The following TICRR variants were observed in gnomAD, a reference collection of about 807,000 sequenced individuals.
The protein encoded by TICRR is treslin.
Under a neutral mutation model 178.1 loss-of-function variants are expected in TICRR, and 132 were observed. The observed-to-expected ratio is 0.74, with a 90% CI of 0.64 to 0.86. TICRR has a LOEUF of 0.86. Among genes scored for constraint, TICRR ranks in the 40% least tolerant of loss-of-function variants. The pLI is 0.00. For synonymous variants in TICRR, 991 were observed against 900.7 expected (o/e 1.10, Z -1.79); for missense variants, 2,587 against 2,334.3 (o/e 1.11, Z -2.23).
At chr15:89,585,664 A>T (rs751371822) in intron 3 of TICRR, 44 bp from the exon 4 acceptor site, 1 of 1,322,546 alleles carries the variant, frequency 7.6e-7, no homozygotes, top group Non-Finnish European at 1.1e-6. Flanking sequence ...TTCTTTAGGC[A>T]TATTGACAAT....
chr15:89,579,374 C>G (rs1332896040), intron 1 of TICRR, among the ~76,000 whole-genome samples: 1 of 152,160 alleles, frequency 6.6e-6, no homozygotes, highest in African/African-American at 2.4e-5. Flanking sequence ...GAGACAGAGT[C>G]TTGCTCTGTC....
chr15:89,625,858 G>A (rs878967626), intron 20 of TICRR, 72 bp downstream of exon 20: 2 of 1,545,108 alleles, frequency 1.3e-6, no homozygotes. Flanking sequence ...GAGGCACTTG[G>A]GAGTTGCTTC....
At chr15:89,623,509 G>A in intron 19 of TICRR, 114 bp from the exon 20 acceptor site, 1 of 1,108,860 alleles carries the variant, frequency 9.0e-7, no homozygotes, top group Admixed American at 2.4e-5. Flanking sequence ...TCCATCTTTA[G>A]ATCATTCCTT....
intron 1 of TICRR, among the ~76,000 whole-genome samples, chr15:89,579,061 AG>A (rs1367020759): frequency 1.3e-5 from 2 of 152,238 alleles, no homozygotes; most frequent in Non-Finnish European, 2.9e-5. Context: ...CGCATAAAAC[AG>A]GATATCATAT....
In TICRR at chr15:89,584,275, T is replaced by A. The variant is rs747863892; in HGVS notation, c.935-11T>A. ...ATTTGGCATCCTGGTCTAATTAATC[T>A]TTATTTCTAGCAGGCAAAGAGATTC... On this transcript the variant is annotated splice_polypyrimidine_tract_variant and intron_variant, in intron 2 of 21. Transcript: ENST00000268138. The A allele has an allele frequency of 6.3e-7, 1 of 1,588,804 alleles. No homozygotes were observed. Among genetic ancestry groups the A allele is most frequent in the South Asian group, 1.2e-5 (1 of 86,532 alleles).
chr15:89,624,020 G>A lies in TICRR; in HGVS notation c.3710G>A (p.Arg1237Lys), dbSNP rs1420777753. The change falls in exon 20 of 22, where the codon AGG (arginine) becomes AAG (lysine). Residue 1237 changes from arginine (R) to lysine (K), a missense_variant. Transcript: ENST00000268138. Reference sequence around the variant, plus strand: ...CCAACTTCATCGACTGCCCAGCCCAGGAGAGAGTGTCTCACTCCCATCAGA... The same window carrying A: ...CCAACTTCATCGACTGCCCAGCCCAAGAGAGAGTGTCTCACTCCCATCAGA... ...APPTSSTAQP[R>K]RECLTPIRDP... The A allele has an allele frequency of 6.2e-7, 1 of 1,613,956 alleles. No homozygotes were observed. Among genetic ancestry groups the A allele is most frequent in the Admixed American group, 1.7e-5 (1 of 60,012 alleles).
chr15:89,611,633 G>A (rs1470996401), intron 15 of TICRR, among the ~76,000 whole-genome samples: 1 of 151,908 alleles, frequency 6.6e-6, no homozygotes, highest in Non-Finnish European at 1.5e-5. Context: ...ACTTGATGGT[G>A]TCCTACAGGT....
intron 15 of TICRR, among the ~76,000 whole-genome samples, chr15:89,613,094 T>C (rs1175635034): frequency 1.3e-5 from 2 of 152,226 alleles, no homozygotes; most frequent in Non-Finnish European, 2.9e-5. Context: ...AGGACTCCTT[T>C]TAGTATTATT....
At position 89,585,790 on chromosome 15, in the gene TICRR, C is replaced by T. The variant is rs1962811647; in HGVS notation, c.1259C>T (p.Thr420Ile). 6.2e-7 allele frequency: 1 copy of T among 1,614,218 alleles called. No homozygotes were observed. The highest frequency in any genetic ancestry group is 8.5e-7 in the Non-Finnish European group (1 of 1,180,040). ...CTCTCTGCCAGTGCTATGATCCTCA[C>T]TGTGTGCCGCACCAAGGAGGCTGAA... ...SPLSASAMIL[T>I]VCRTKEAEFQ... is the part of the protein sequence containing the mutation. The change falls in exon 4 of 22, where the codon ACT becomes ATT. Residue 420 changes from threonine to isoleucine, a missense_variant. Transcript: ENST00000268138.
chr15:89,594,422 C>G lies in TICRR; in HGVS notation c.1549C>G (p.Gln517Glu), dbSNP rs933838024. 1 of 1,610,724 alleles carries G rather than the reference C, an allele frequency of 6.2e-7. No homozygotes were observed. The highest frequency in any genetic ancestry group is 8.5e-7 in the Non-Finnish European group (1 of 1,178,606). Residue 517 changes from glutamine to glutamate, a missense_variant, in exon 6 of 22, where the codon CAG becomes GAG. Gln to Glu is a conservative substitution (Grantham distance 29). Coordinates refer to ENST00000268138, the MANE Select transcript of TICRR (RefSeq NM_152259.4). ...GACATCTTGACTTCACAGGTTACTACAGGCTGCCTCAGCTAATAAGGAAGA... is the reference window on the plus strand; with the variant it reads ...GACATCTTGACTTCACAGGTTACTAGAGGCTGCCTCAGCTAATAAGGAAGA... ...SDLMESFGLLQAASANKEESS... is the reference protein window; with the variant it reads ...SDLMESFGLLEAASANKEESS...
At chr15:89,591,767 T>C (rs983256512) in intron 4 of TICRR, 64 of 240,168 alleles carry the variant, frequency 2.7e-4, no homozygotes, top group Non-Finnish European at 1.3e-4. Flanking sequence ...ACAATATATA[T>C]TTTTAACCTG....
In TICRR at chr15:89,595,736, A is replaced by G. The variant is rs1962987236; in HGVS notation, c.1900+125A>G. On this transcript the variant is annotated intron_variant, in intron 7 of 21. Coordinates refer to ENST00000268138, the MANE Select transcript of TICRR (RefSeq NM_152259.4). ...AAAAGGTGTTATGGTGAATACAGTAAATAATAAGATAATGTGCTATTCTTA... is the reference window on the plus strand; with the variant it reads ...AAAAGGTGTTATGGTGAATACAGTAGATAATAAGATAATGTGCTATTCTTA... 3 of 674,038 alleles carry G rather than the reference A, an allele frequency of 4.5e-6. No individual in the cohort carries two copies. The African/African-American group carries it at 5.4e-5, about 12-fold the overall frequency. The allele number at this position is 674,038 out of a possible 1,614,324, so 41.8% of individuals were successfully genotyped here.
chr15:89,616,465 A>C lies in TICRR; in HGVS notation c.2930A>C (p.Lys977Thr), dbSNP rs1242677178. ...ACTCCAGTGCATAAGCAGATCTCCA[A>C]AAGGCTGCTGCACAGACAAATCAAG... ...AETPVHKQIS[K>T]RLLHRQIKGR... is the part of the protein sequence containing the mutation. The change falls in exon 16 of 22, where the codon AAA becomes ACA. Residue 977 changes from lysine (K) to threonine (T), a missense_variant. Transcript: ENST00000268138. 2.5e-6 allele frequency: 4 copies of C among 1,613,988 alleles called. No homozygotes were observed. The highest frequency in any genetic ancestry group is 3.4e-6 in the Non-Finnish European group (4 of 1,179,884).
At chr15:89,604,815 A>G (rs1963151111) in intron 13 of TICRR, among the ~76,000 whole-genome samples, 1 of 150,666 alleles carries the variant, frequency 6.6e-6, no homozygotes, top group African/African-American at 2.4e-5. Context: ...GATTGTGGTT[A>G]GTAATGTTTT....
rs747524675 is a variant in TICRR, at chr15:89,624,184, C to A, written c.3874C>A (p.Pro1292Thr). The A allele has an allele frequency of 6.2e-7, 1 of 1,614,098 alleles. No homozygotes were observed. Among genetic ancestry groups the A allele is most frequent in the Admixed American group, 1.7e-5 (1 of 60,020 alleles). ...ACTAAAGGATAAAGCTATCAAAACT[C>A]CAAAAAGACCAGGGAATTCAACTGT... ...QKLKDKAIKT[P>T]KRPGNSTVTS... The change falls in exon 20 of 22, where the codon CCA becomes ACA. Residue 1292 changes from proline (P) to threonine (T), a missense_variant. Transcript: ENST00000268138.
Position 89,601,321 on chromosome 15 carries a change from G to A in TICRR, c.2177G>A (p.Arg726His), listed in dbSNP as rs750186344. The stretch of plus-strand genomic sequence containing the variant: ...AGGTGCCAGCTTCAGGTATTTCTTC[G>A]TTTGGAGATGTGTCTGCAATGCCCT... ...VRECQLQVFL[R>H]LEMCLQCPSI... The change falls in exon 10 of 22, where the codon CGT (arginine) becomes CAT (histidine). Residue 726 changes from arginine (R) to histidine (H), a missense_variant. By Grantham distance (29) the Arg-to-His change is conservative. Coordinates refer to ENST00000268138, the MANE Select transcript of TICRR (RefSeq NM_152259.4). The A allele has an allele frequency of 5.0e-6, 8 of 1,613,908 alleles. 1 individual carries two copies. The highest frequency in any genetic ancestry group is 2.2e-5 in the South Asian group (2 of 91,086).
At chr15:89,621,681 G>A in intron 19 of TICRR, 131 bp downstream of exon 19, 3 of 741,468 alleles carry the variant, frequency 4.0e-6, no homozygotes, top group Admixed American at 3.1e-5. Flanking sequence ...GGAGGTGACT[G>A]GGTGGAGCCA....
chr15:89,585,700 T>C lies in TICRR; in HGVS notation c.1177-8T>C, dbSNP rs1345094387. On this transcript the variant is annotated splice_polypyrimidine_tract_variant and splice_region_variant and intron_variant, in intron 3 of 21. Coordinates refer to ENST00000268138, the MANE Select transcript of TICRR (RefSeq NM_152259.4). ...AATATTCTCAACTAATTAGGGCTTC[T>C]CACGTAGGTTGCTGATGTGGACCCT... 1.2e-6 allele frequency: 2 copies of C among 1,603,264 alleles called. No homozygotes were observed. Among genetic ancestry groups the C allele is most frequent in the Non-Finnish European group, 1.7e-6 (2 of 1,170,066 alleles).
intron 13 of TICRR, among the ~76,000 whole-genome samples, chr15:89,605,312 G>A (rs985860228): frequency 6.6e-6 from 1 of 152,168 alleles, no homozygotes; most frequent in Non-Finnish European, 1.5e-5. Context: ...GCCCAGATTT[G>A]GTCTGTACAC....
Sources: gnomAD v4.1 joint callset for allele counts (sites outside exome capture counted in the v4.1 genomes callset) on GRCh38, gnomAD v4.1.1 for gene constraint, MANE v1.5 for transcripts, NCBI Gene and HGNC (gene_info 2026-07-23, HGNC 2026-07-21) for gene names.